Variants in ADARB2 observed in about 807,000 individuals in gnomAD.
ADARB2 encodes adenosine deaminase RNA specific B2 (inactive), also known as inactive double-stranded RNA-specific editase B2.
In ADARB2, 25 loss-of-function variants were observed where a neutral mutation model predicts 62.2. The observed-to-expected ratio is 0.40, with a 90% CI of 0.29 to 0.56. ADARB2 has a LOEUF of 0.56. Among genes scored for constraint, ADARB2 ranks in the 20% least tolerant of loss-of-function variants. The pLI, the probability that ADARB2 is intolerant of heterozygous loss-of-function variation, is 0.43. For synonymous variants in ADARB2, 572 were observed against 500.8 expected, an observed-to-expected ratio of 1.14 and a Z score of -1.90; for missense variants, 1,071 against 1,077.4, an observed-to-expected ratio of 0.99 and a Z score of 0.08.
intron 1 of ADARB2, among the ~76,000 whole-genome samples, chr10:1,567,553 A>G (rs1832874300): frequency 6.6e-6 from 1 of 152,100 alleles, no homozygotes; most frequent in South Asian, 2.1e-4. Context: ...GAGAAAATGA[A>G]AGGACGGTCA....
intron 3 of ADARB2, among the ~76,000 whole-genome samples, chr10:1,296,871 T>C (rs1831528020): frequency 6.6e-6 from 1 of 152,184 alleles, no homozygotes; most frequent in Non-Finnish European, 1.5e-5. Flanking sequence ...ATACACTCCT[T>C]CTCTGCTCCC....
intron 3 of ADARB2, among the ~76,000 whole-genome samples, chr10:1,289,211 T>A (rs967701490): frequency 1.3e-5 from 2 of 152,156 alleles, no homozygotes; most frequent in Non-Finnish European, 2.9e-5. Context: ...ATCAGAAAAA[T>A]GTTATGACCT....
intron 3 of ADARB2, among the ~76,000 whole-genome samples, chr10:1,327,975 TCCTCACAGC>T: frequency 3.6e-5 from 3 of 82,730 alleles, no homozygotes; most frequent in Non-Finnish European, 5.7e-5. Flanking sequence ...ACTCAGCGCC[TCCTCACAGC>T]GCCTCCCCAC....
At chr10:1,293,208 G>A (rs1831489976) in intron 3 of ADARB2, among the ~76,000 whole-genome samples, 1 of 105,684 alleles carries the variant, frequency 9.5e-6, no homozygotes, top group African/African-American at 5.6e-5. Flanking sequence ...AAAAAAGAGG[G>A]AGGGAGGGAG....
In ADARB2 at chr10:1,259,407, C is replaced by T. The variant is rs554967512; in HGVS notation, c.1192+11548G>A. 3.3e-5 allele frequency among the ~76,000 whole-genome samples: 5 copies of T among 151,952 alleles called. No individual in the cohort carries two copies. In the South Asian group the frequency reaches 1.0e-3, roughly 32 times the overall value. ...CAAAATTGATAGACCTCTAGCAAGA[C>T]TAATAAAGAAGAAAAGAGAGAAGAA... is the stretch of plus-strand genomic sequence containing the variant. On this transcript the variant is annotated intron_variant, in intron 4 of 9. Coordinates refer to ENST00000381312, the MANE Select transcript of ADARB2 (RefSeq NM_018702.4).
intron 1 of ADARB2, among the ~76,000 whole-genome samples, chr10:1,686,170 G>A (rs1834594381): frequency 6.6e-6 from 1 of 152,256 alleles, no homozygotes. Flanking sequence ...CATGGAGGCT[G>A]GTTAGGGGAA....
Position 1,438,029 on chromosome 10 carries a change from C to G in ADARB2, c.101-58869G>C, listed in dbSNP as rs186522234. On this transcript the variant is annotated intron_variant, in intron 1 of 9. Coordinates refer to ENST00000381312, the MANE Select transcript of ADARB2 (RefSeq NM_018702.4). ...GTCCCCTTCCCTTCCTGCCACCTCT[C>G]ACTCCCTCCTCTCCTTTGGGCAGAG... Among the ~76,000 whole-genome samples, 12 of 152,348 alleles carry G rather than the reference C, an allele frequency of 7.9e-5. No homozygotes were observed. In the East Asian group the frequency reaches 2.3e-3, roughly 29 times the overall value.
intron 3 of ADARB2, among the ~76,000 whole-genome samples, chr10:1,298,635 G>A (rs1831544787): frequency 1.3e-5 from 2 of 151,242 alleles, no homozygotes; most frequent in Non-Finnish European, 2.9e-5. Context: ...ACACATACTG[G>A]GCTCAAGCAG....
chr10:1,209,333 A>G (rs1791415502), intron 7 of ADARB2, among the ~76,000 whole-genome samples: 1 of 151,176 alleles, frequency 6.6e-6, no homozygotes, highest in African/African-American at 2.4e-5. Context: ...CCACGCCATC[A>G]CCCACACCCA....
chr10:1,200,095 C>G lies in ADARB2; in HGVS notation c.1735G>C (p.Val579Leu). The change falls in exon 8 of 10, where the codon GTG (valine) becomes CTG (leucine). Residue 579 changes from valine (V) to leucine (L), a missense_variant. Transcript: ENST00000381312. ...GALLSHFVEPVYLQSIVVGSL... is the reference protein window; with the variant it reads ...GALLSHFVEPLYLQSIVVGSL... ...CCCACCACGATGCTCTGCAGGTACACGGGCTCCACGAAGTGGGACAGGAGC... is the reference window on the plus strand; with the variant it reads ...CCCACCACGATGCTCTGCAGGTACAGGGGCTCCACGAAGTGGGACAGGAGC... 2 of 1,564,776 alleles carry G rather than the reference C, an allele frequency of 1.3e-6. No individual in the cohort carries two copies. The highest frequency in any genetic ancestry group is 1.7e-6 in the Non-Finnish European group (2 of 1,156,362).
chr10:1,575,161 T>C (rs1047105995), intron 1 of ADARB2, among the ~76,000 whole-genome samples: 6 of 152,204 alleles, frequency 3.9e-5, no homozygotes, highest in Non-Finnish European at 1.5e-5. Flanking sequence ...CCTTAATAAG[T>C]AGTGCTAATT....
chr10:1,452,021 G>C (rs539998977), intron 1 of ADARB2, among the ~76,000 whole-genome samples: 8 of 152,186 alleles, frequency 5.3e-5, no homozygotes, highest in Admixed American at 5.2e-4. Context: ...TAGGAATCAC[G>C]GATGTGGAGT....
rs551534430 is a variant in ADARB2, at chr10:1,250,470, G to A, written c.1193-8171C>T. 4.6e-5 allele frequency among the ~76,000 whole-genome samples: 7 copies of A among 152,218 alleles called. No individual in the cohort carries two copies. In the South Asian group the frequency reaches 6.2e-4, roughly 14 times the overall value. The stretch of plus-strand genomic sequence containing the variant: ...TGAGAGTTGGCTGTAATGAAGCCAC[G>A]ATGTCCCTTAGTCTTCAAGGAAATG... On this transcript the variant is annotated intron_variant, in intron 4 of 9. Transcript: ENST00000381312.
intron 1 of ADARB2, among the ~76,000 whole-genome samples, chr10:1,560,072 A>G (rs2131985490): frequency 6.6e-6 from 1 of 152,332 alleles, no homozygotes; most frequent in East Asian, 1.9e-4. Flanking sequence ...TCGTCTTCCA[A>G]GGCCAACTTG....
At chr10:1,259,421 A>G (rs1031345343) in intron 4 of ADARB2, among the ~76,000 whole-genome samples, 1 of 152,212 alleles carries the variant, frequency 6.6e-6, no homozygotes, top group Non-Finnish European at 1.5e-5. Flanking sequence ...TAAAGAAGAA[A>G]AGAGAGAAGA....
intron 1 of ADARB2, among the ~76,000 whole-genome samples, chr10:1,482,522 G>A (rs973725554): frequency 1.3e-5 from 2 of 152,232 alleles, no homozygotes; most frequent in African/African-American, 4.8e-5. Flanking sequence ...ACCAGGAGGA[G>A]AAGTGGGAGT....
chr10:1,472,571 G>A (rs1360623182), intron 1 of ADARB2, among the ~76,000 whole-genome samples: 1 of 152,242 alleles, frequency 6.6e-6, no homozygotes, highest in Non-Finnish European at 1.5e-5. Flanking sequence ...AGTTAGAGGA[G>A]AGAAATGTCA....
At chr10:1,286,167 A>G (rs1371668475) in intron 3 of ADARB2, among the ~76,000 whole-genome samples, 2 of 152,210 alleles carry the variant, frequency 1.3e-5, no homozygotes, top group Middle Eastern at 3.2e-3. Context: ...GCCAGAGTCC[A>G]CATGGAGGTG....
intron 1 of ADARB2, among the ~76,000 whole-genome samples, chr10:1,529,155 C>G (rs1487742278): frequency 7.4e-6 from 1 of 135,974 alleles, no homozygotes; most frequent in Non-Finnish European, 1.6e-5. Flanking sequence ...ACGCACCATC[C>G]CCAACACAAA....
Sources: gnomAD v4.1 joint callset for allele counts (sites outside exome capture counted in the v4.1 genomes callset) on GRCh38, gnomAD v4.1.1 for gene constraint, MANE v1.5 for transcripts, NCBI Gene and HGNC (gene_info 2026-07-23, HGNC 2026-07-21) for gene names.